Variants in SMOC1 observed in about 807,000 individuals in gnomAD.
The protein encoded by SMOC1 is SPARC-related modular calcium-binding protein 1.
In SMOC1, 22 loss-of-function variants were observed where a neutral mutation model predicts 56.3. The observed-to-expected ratio is 0.39, with a 90% CI of 0.28 to 0.56. SMOC1 has a LOEUF of 0.56. SMOC1 is among the 20% of genes least tolerant of loss of function. SMOC1 has a pLI of 0.61. For synonymous variants in SMOC1, 193 were observed against 215.0 expected (o/e 0.90, Z 0.89); for missense variants, 509 against 565.4 (o/e 0.90, Z 1.01).
chr14:70,012,050 G>A (rs558669890), intron 9 of SMOC1, among the ~76,000 whole-genome samples: 14 of 152,324 alleles, frequency 9.2e-5, no homozygotes, highest in Admixed American at 3.3e-4. Context: ...GCTGATGTGC[G>A]GGTTTCCCCT....
intron 10 of SMOC1, among the ~76,000 whole-genome samples, chr14:70,020,285 G>A (rs1036464096): frequency 2.0e-5 from 3 of 151,870 alleles, no homozygotes; most frequent in African/African-American, 7.3e-5. Context: ...GCTCTCAGAG[G>A]GTTCACAATC....
intron 1 of SMOC1, among the ~76,000 whole-genome samples, chr14:69,893,294 A>G (rs1884013552): frequency 6.6e-6 from 1 of 152,204 alleles, no homozygotes; most frequent in Admixed American, 6.5e-5. Context: ...TGATTTTTAA[A>G]CAAGTAACAG....
At chr14:69,887,358 G>A (rs531542792) in intron 1 of SMOC1, among the ~76,000 whole-genome samples, 40 of 152,276 alleles carry the variant, frequency 2.6e-4, no homozygotes, top group African/African-American at 9.4e-4. Context: ...TGAGGCAGGG[G>A]GATAGGATGG....
At chr14:69,965,542 G>A (rs532092138) in intron 3 of SMOC1, among the ~76,000 whole-genome samples, 2 of 152,142 alleles carry the variant, frequency 1.3e-5, no homozygotes, top group East Asian at 1.9e-4. Context: ...ATTCTGACTC[G>A]AAATAGGGAA....
intron 1 of SMOC1, among the ~76,000 whole-genome samples, chr14:69,936,048 C>T (rs1885287057): frequency 6.6e-6 from 1 of 152,132 alleles, no homozygotes; most frequent in Non-Finnish European, 1.5e-5. Flanking sequence ...CCTCCACATC[C>T]CTCCCCTACC....
At chr14:69,926,480 A>G (rs537714101) in intron 1 of SMOC1, among the ~76,000 whole-genome samples, 1 of 152,334 alleles carries the variant, frequency 6.6e-6, no homozygotes, top group Non-Finnish European at 1.5e-5. Context: ...TAGTGTTTAA[A>G]GGGCCAGGCG....
chr14:69,930,295 G>A (rs183632631), intron 1 of SMOC1, among the ~76,000 whole-genome samples: 12 of 135,342 alleles, frequency 8.9e-5, no homozygotes, highest in African/African-American at 3.9e-4. Context: ...CACACTGCCC[G>A]TCCCAGAAGG....
intron 1 of SMOC1, among the ~76,000 whole-genome samples, chr14:69,918,382 C>T (rs1173687200): frequency 6.6e-6 from 1 of 152,072 alleles, no homozygotes; most frequent in Admixed American, 6.6e-5. Flanking sequence ...TGTGCACCAC[C>T]ATGCTTGGTT....
At chr14:70,001,190 G>A (rs1884956948) in intron 7 of SMOC1, among the ~76,000 whole-genome samples, 1 of 152,124 alleles carries the variant, frequency 6.6e-6, no homozygotes, top group Non-Finnish European at 1.5e-5. Context: ...TGGGCCGTTA[G>A]AGTGAGAAGG....
intron 5 of SMOC1, among the ~76,000 whole-genome samples, chr14:69,991,172 T>C (rs942244005): frequency 7.9e-5 from 12 of 152,118 alleles, no homozygotes; most frequent in African/African-American, 2.9e-4. Context: ...AATATAGTGT[T>C]CCATCCTAAA....
rs73290755 is a variant in SMOC1 at position 70,014,391 on chromosome 14, T to G, written c.1046+900T>G. ...AGTTTTAAAGAATGGGTAGGACTTA[T>G]CTACCTATCAAAGAAAAGATAGGTA... On this transcript the variant is annotated intron_variant, in intron 10 of 11. Coordinates refer to ENST00000361956, the MANE Select transcript of SMOC1 (RefSeq NM_001034852.3). 7.0e-3 allele frequency among the ~76,000 whole-genome samples: 1,062 copies of G among 152,284 alleles called. 10 individuals are homozygous for G. Among genetic ancestry groups the G allele is most frequent in the African/African-American group, 0.024 (990 of 41,544 alleles).
intron 3 of SMOC1, among the ~76,000 whole-genome samples, chr14:69,966,958 C>A (rs1238388018): frequency 6.6e-6 from 1 of 152,222 alleles, no homozygotes. Context: ...TGGCCTCCTT[C>A]TTCTGAGTCT....
At chr14:69,990,792 T>C (rs144156630) in intron 5 of SMOC1, among the ~76,000 whole-genome samples, 250 of 152,268 alleles carry the variant, frequency 1.6e-3, no homozygotes, top group African/African-American at 5.5e-3. Context: ...TACATCTCAT[T>C]TCTTGGGATG....
At chr14:69,885,116 T>A (rs932257809) in intron 1 of SMOC1, among the ~76,000 whole-genome samples, 1 of 152,194 alleles carries the variant, frequency 6.6e-6, no homozygotes, top group South Asian at 2.1e-4. Context: ...AACTTATTTC[T>A]TAAATGTTTT....
chr14:69,949,144 A>C (rs1882901849), intron 1 of SMOC1, among the ~76,000 whole-genome samples: 1 of 152,146 alleles, frequency 6.6e-6, no homozygotes, highest in Admixed American at 6.5e-5. Context: ...TCTTGTTCTG[A>C]GGTGGAGTAA....
At chr14:69,952,401 C>A in intron 2 of SMOC1, 98 bp downstream of exon 2, 1 of 1,442,334 alleles carries the variant, frequency 6.9e-7, no homozygotes, top group Non-Finnish European at 9.6e-7. Flanking sequence ...GTAAGTCTGT[C>A]CACTCACTTT....
intron 1 of SMOC1, among the ~76,000 whole-genome samples, chr14:69,892,820 CA>C (rs899113860): frequency 2.6e-5 from 4 of 152,046 alleles, no homozygotes; most frequent in African/African-American, 9.7e-5. Flanking sequence ...ATACCACAAC[CA>C]AAAAATATTA....
At chr14:69,907,987 G>A (rs1489040396) in intron 1 of SMOC1, among the ~76,000 whole-genome samples, 1 of 152,162 alleles carries the variant, frequency 6.6e-6, no homozygotes, top group African/African-American at 2.4e-5. Context: ...AATACTATTG[G>A]GGGTGGGGAT....
chr14:69,977,690 A>C (rs902997928), intron 4 of SMOC1, among the ~76,000 whole-genome samples: 1 of 152,190 alleles, frequency 6.6e-6, no homozygotes, highest in Non-Finnish European at 1.5e-5. Flanking sequence ...GGAACCTAGA[A>C]ATCATAGTTC....
Sources: gnomAD v4.1 joint callset for allele counts (sites outside exome capture counted in the v4.1 genomes callset) on GRCh38, gnomAD v4.1.1 for gene constraint, MANE v1.5 for transcripts, NCBI Gene and HGNC (gene_info 2026-07-23, HGNC 2026-07-21) for gene names.